The following SUPT3H variants were observed in gnomAD, a reference collection of about 807,000 sequenced individuals.
SUPT3H encodes transcription initiation protein SPT3 homolog.
A neutral mutation model predicts 44.3 loss-of-function variants in SUPT3H; 44 were observed. The observed-to-expected ratio is 0.99, with a 90% CI of 0.78 to 1.28. SUPT3H has a LOEUF of 1.28. Among genes scored for constraint, SUPT3H ranks in the 50% most tolerant of loss-of-function variants. The pLI, the probability that SUPT3H is intolerant of heterozygous loss-of-function variation, is 0.00. For missense variants in SUPT3H, 380 were observed against 387.1 expected (o/e 0.98, Z 0.15); for synonymous variants, 124 against 125.6 (o/e 0.99, Z 0.09).
intron 6 of SUPT3H, among the ~76,000 whole-genome samples, chr6:44,966,203 G>C (rs1473466538): frequency 6.6e-6 from 1 of 151,954 alleles, no homozygotes. Context: ...GTATACACTG[G>C]CAGTCCTTTT....
At chr6:45,310,521 G>C (rs1783771645) in intron 2 of SUPT3H, among the ~76,000 whole-genome samples, 1 of 152,118 alleles carries the variant, frequency 6.6e-6, no homozygotes, top group South Asian at 2.1e-4. Flanking sequence ...CCCTCACAGA[G>C]TCCGTTGCAC....
rs1446580733 is a variant in SUPT3H at position 45,016,679 on chromosome 6, C to T, written c.274-1788G>A. Among the ~76,000 whole-genome samples the T allele has an allele frequency of 8.8e-3, 1,340 of 151,782 alleles. 14 individuals carry two copies. Among genetic ancestry groups the T allele is most frequent in the Non-Finnish European group, 0.014 (928 of 67,882 alleles). ...CCCTACAAAGGACATGAACTCATCA[C>T]GTTTTATGGCTGCATAGTATTCCAT... On this transcript the variant is annotated intron_variant, in intron 4 of 10. Transcript: ENST00000371459.
chr6:45,201,034 G>A (rs189474040), intron 2 of SUPT3H, among the ~76,000 whole-genome samples: 128 of 151,480 alleles, frequency 8.4e-4, no homozygotes, highest in East Asian at 1.9e-4. Context: ...CAATATAAAC[G>A]AATTTACTAA....
intron 2 of SUPT3H, among the ~76,000 whole-genome samples, chr6:45,175,795 C>T (rs1040665593): frequency 4.6e-5 from 7 of 152,190 alleles, no homozygotes; most frequent in African/African-American, 1.7e-4. Context: ...ATAAATTATA[C>T]TAAAAATAAG....
chr6:44,930,669 T>G (rs1360897536), intron 10 of SUPT3H, among the ~76,000 whole-genome samples: 1 of 151,440 alleles, frequency 6.6e-6, no homozygotes, highest in Non-Finnish European at 1.5e-5. Context: ...GGTGGTCCCC[T>G]CCTGAGGAAT....
At chr6:44,933,598 G>A (rs1208604675) in intron 9 of SUPT3H, among the ~76,000 whole-genome samples, 1 of 152,154 alleles carries the variant, frequency 6.6e-6, no homozygotes, top group African/African-American at 2.4e-5. Context: ...AATTAAATAA[G>A]TTGAAATACA....
At chr6:45,108,038 T>C (rs1164829959) in intron 2 of SUPT3H, among the ~76,000 whole-genome samples, 2 of 152,160 alleles carry the variant, frequency 1.3e-5, no homozygotes, top group Non-Finnish European at 2.9e-5. Flanking sequence ...AAAGACCATA[T>C]ATGAAAAACT....
chr6:45,167,256 G>A (rs1810044021), intron 2 of SUPT3H, among the ~76,000 whole-genome samples: 1 of 152,158 alleles, frequency 6.6e-6, no homozygotes, highest in African/African-American at 2.4e-5. Context: ...CAAGAACAAA[G>A]AGGAAAAGAA....
intron 3 of SUPT3H, among the ~76,000 whole-genome samples, chr6:45,079,889 A>C (rs1453316167): frequency 6.6e-6 from 1 of 152,188 alleles, no homozygotes; most frequent in South Asian, 2.1e-4. Flanking sequence ...ATTGGACTGG[A>C]CAAAGATTTC....
intron 10 of SUPT3H, among the ~76,000 whole-genome samples, chr6:44,868,268 C>T (rs945308240): frequency 1.3e-5 from 2 of 152,126 alleles, no homozygotes; most frequent in African/African-American, 4.8e-5. Context: ...AGAATGTTTG[C>T]TTTGAAGTAG....
At chr6:45,211,605 C>T (rs559031648) in intron 2 of SUPT3H, among the ~76,000 whole-genome samples, 13 of 151,986 alleles carry the variant, frequency 8.6e-5, no homozygotes, top group Admixed American at 5.2e-4. Flanking sequence ...AATCCCAGCA[C>T]TTTGGGAGAC....
intron 6 of SUPT3H, among the ~76,000 whole-genome samples, chr6:44,963,968 ACCCT>A (rs386700765): frequency 0.03 from 4,568 of 151,594 alleles, 202 homozygotes; most frequent in African/African-American, 0.1. Flanking sequence ...ACTGCACTCC[ACCCT>A]GGGAAACAGA....
intron 10 of SUPT3H, among the ~76,000 whole-genome samples, chr6:44,887,849 C>T (rs1459558574): frequency 6.6e-6 from 1 of 151,394 alleles, no homozygotes; most frequent in Non-Finnish European, 1.5e-5. Context: ...TTGAAAGGAT[C>T]AACAAAATTG....
At chr6:45,298,963 G>A (rs1272214849) in intron 2 of SUPT3H, among the ~76,000 whole-genome samples, 1 of 152,064 alleles carries the variant, frequency 6.6e-6, no homozygotes, top group Admixed American at 6.6e-5. Context: ...TTTTAATCCT[G>A]TGGCAATAAA....
At chr6:45,155,063 G>A (rs1294113771) in intron 2 of SUPT3H, among the ~76,000 whole-genome samples, 1 of 152,138 alleles carries the variant, frequency 6.6e-6, no homozygotes, top group East Asian at 1.9e-4. Flanking sequence ...CAAAATTAGT[G>A]TGAAACAAAA....
intron 3 of SUPT3H, among the ~76,000 whole-genome samples, chr6:45,073,684 C>T (rs1794667620): frequency 6.6e-6 from 1 of 151,972 alleles, no homozygotes; most frequent in African/African-American, 2.4e-5. Context: ...TTAGGGGCAT[C>T]ATGTTCTCAA....
At chr6:45,139,647 G>A (rs1459495203) in intron 2 of SUPT3H, among the ~76,000 whole-genome samples, 2 of 152,166 alleles carry the variant, frequency 1.3e-5, no homozygotes, top group African/African-American at 2.4e-5. Flanking sequence ...GGTAACAGGA[G>A]AAGGATTTAC....
intron 2 of SUPT3H, among the ~76,000 whole-genome samples, chr6:45,291,026 C>G (rs1780229771): frequency 6.6e-6 from 1 of 152,086 alleles, no homozygotes; most frequent in Non-Finnish European, 1.5e-5. Context: ...CCACAGACCC[C>G]CTGAAGGAAG....
chr6:45,259,263 G>T (rs1773943759), intron 2 of SUPT3H, among the ~76,000 whole-genome samples: 1 of 151,994 alleles, frequency 6.6e-6, no homozygotes, highest in East Asian at 1.9e-4. Context: ...TTTCAATTGG[G>T]GGGGAGGGTG....
Sources: allele counts gnomAD v4.1 joint callset (sites outside exome capture counted in the v4.1 genomes callset), GRCh38; gene constraint gnomAD v4.1.1; transcripts MANE v1.5; gene names NCBI Gene and HGNC (gene_info 2026-07-23, HGNC 2026-07-21).